Variants in VEPH1 observed in about 807,000 individuals in gnomAD.
The protein encoded by VEPH1 is ventricular zone expressed PH domain containing 1, also known as ventricular zone-expressed PH domain-containing protein homolog 1.
In VEPH1, 80 loss-of-function variants were observed where a neutral mutation model predicts 85.2. The ratio of observed to expected loss-of-function variants is 0.94; its 90% CI spans 0.78 to 1.13. The LOEUF (loss-of-function observed/expected upper bound fraction) is 1.13, where lower values mean the gene tolerates loss of function less well. VEPH1 is among the 50% of genes most tolerant of loss of function. The probability of loss-of-function intolerance (pLI) is 0.00; values close to 1 mark genes in which losing one functional copy is unlikely to be tolerated. For missense variants in VEPH1, 955 were observed against 980.5 expected, an observed-to-expected ratio of 0.97 and a Z score of 0.35; for synonymous variants, 297 against 348.0, an observed-to-expected ratio of 0.85 and a Z score of 1.63.
At position 157,471,931 on chromosome 3, in the gene VEPH1, AT is replaced by A. The variant is rs377306960; in HGVS notation, c.139-1403del. ...TAAATTGGAAACTTAAGTTGTTTAC[AT>A]TTTTTTGAAAGGTAATACATAAACA... On this transcript the variant is annotated intron_variant, in intron 2 of 13. Transcript: ENST00000362010. Among the ~76,000 whole-genome samples the A allele has an allele frequency of 3.0e-3, 457 of 152,126 alleles. 2 individuals carry two copies. The highest frequency in any genetic ancestry group is 8.9e-3 in the South Asian group (43 of 4,820).
chr3:157,377,163 C>T (rs559005424), intron 7 of VEPH1, among the ~76,000 whole-genome samples: 9 of 152,050 alleles, frequency 5.9e-5, no homozygotes, highest in African/African-American at 9.6e-5. Flanking sequence ...AGATTGACAG[C>T]GAGGGGTTGA....
intron 10 of VEPH1, among the ~76,000 whole-genome samples, chr3:157,315,301 C>G (rs1720628669): frequency 6.6e-6 from 1 of 151,914 alleles, no homozygotes; most frequent in South Asian, 2.1e-4. Context: ...AGTTAGTGAT[C>G]CACAGATTTA....
intron 5 of VEPH1, among the ~76,000 whole-genome samples, chr3:157,418,517 T>C (rs577593892): frequency 6.6e-6 from 1 of 152,290 alleles, no homozygotes; most frequent in South Asian, 2.1e-4. Context: ...CAAAAATCAC[T>C]AGCATTCCTA....
intron 11 of VEPH1, among the ~76,000 whole-genome samples, chr3:157,287,078 A>G (rs989762730): frequency 1.3e-5 from 2 of 152,176 alleles, no homozygotes; most frequent in Non-Finnish European, 2.9e-5. Flanking sequence ...TATCCATATC[A>G]AAAAATATTA....
intron 9 of VEPH1, among the ~76,000 whole-genome samples, chr3:157,347,733 A>G (rs566047097): frequency 1.3e-5 from 2 of 152,328 alleles, no homozygotes; most frequent in South Asian, 4.1e-4. Flanking sequence ...AGGAAAAGGT[A>G]AGCAGAAGAT....
chr3:157,427,627 G>T (rs1732851226), intron 5 of VEPH1, among the ~76,000 whole-genome samples: 2 of 151,936 alleles, frequency 1.3e-5, no homozygotes, highest in Admixed American at 6.6e-5. Context: ...GCTAATTTTT[G>T]TATTTTTTGT....
chr3:157,367,173 C>T (rs907809638), intron 7 of VEPH1, among the ~76,000 whole-genome samples: 2 of 152,192 alleles, frequency 1.3e-5, no homozygotes, highest in Non-Finnish European at 2.9e-5. Flanking sequence ...TTTATCTACT[C>T]ATACCATGCA....
intron 6 of VEPH1, among the ~76,000 whole-genome samples, chr3:157,384,758 AGG>A (rs1729114648): frequency 6.6e-6 from 1 of 152,208 alleles, no homozygotes; most frequent in African/African-American, 2.4e-5. Context: ...TGTACCTCAC[AGG>A]GGTAACAGAT....
At chr3:157,385,454 T>C (rs1157988775) in intron 6 of VEPH1, among the ~76,000 whole-genome samples, 1 of 152,148 alleles carries the variant, frequency 6.6e-6, no homozygotes, top group Non-Finnish European at 1.5e-5. Flanking sequence ...TTTTGTTATC[T>C]GGTTTATATC....
At chr3:157,271,030 G>C (rs1714480609) in intron 12 of VEPH1, among the ~76,000 whole-genome samples, 1 of 152,084 alleles carries the variant, frequency 6.6e-6, no homozygotes. Flanking sequence ...AGGTGTGTGG[G>C]GGAAAACACA....
At chr3:157,292,995 AAAAAG>A (rs1717703704) in intron 11 of VEPH1, among the ~76,000 whole-genome samples, 1 of 151,864 alleles carries the variant, frequency 6.6e-6, no homozygotes, top group Non-Finnish European at 1.5e-5. Flanking sequence ...AAAAAAAAAA[AAAAAG>A]AAAAAAGAAA....
chr3:157,344,543 G>GGAA (rs1252482348), intron 9 of VEPH1, among the ~76,000 whole-genome samples: 1 of 151,384 alleles, frequency 6.6e-6, no homozygotes, highest in Admixed American at 6.6e-5. Flanking sequence ...ACAAACAAAT[G>GGAA]GAACATTCCA....
At chr3:157,378,850 A>AC (rs1416229502) in intron 7 of VEPH1, among the ~76,000 whole-genome samples, 6 of 151,624 alleles carry the variant, frequency 4.0e-5, no homozygotes, top group Admixed American at 3.3e-4. Flanking sequence ...GTGTTCATCC[A>AC]CCCCCCTCTT....
chr3:157,483,588 A>G (rs2109628383), intron 2 of VEPH1, among the ~76,000 whole-genome samples: 1 of 152,198 alleles, frequency 6.6e-6, no homozygotes, highest in East Asian at 1.9e-4. Flanking sequence ...TTTAAAAAAG[A>G]AATCTCTAGA....
At chr3:157,307,785 G>A (rs1474888884) in intron 11 of VEPH1, among the ~76,000 whole-genome samples, 1 of 151,632 alleles carries the variant, frequency 6.6e-6, no homozygotes, top group Non-Finnish European at 1.5e-5. Context: ...ATTTTAATTT[G>A]GGAGAAAATT....
intron 12 of VEPH1, among the ~76,000 whole-genome samples, chr3:157,270,947 A>C (rs1231653858): frequency 6.6e-6 from 1 of 152,104 alleles, no homozygotes; most frequent in Non-Finnish European, 1.5e-5. Flanking sequence ...ACCCTCATGA[A>C]GAAGAGAGAA....
intron 9 of VEPH1, among the ~76,000 whole-genome samples, chr3:157,336,652 A>AACTTCCT (rs1722998406): frequency 6.6e-6 from 1 of 152,110 alleles, no homozygotes. Flanking sequence ...AGCTATGTTT[A>AACTTCCT]CCAGAAGTCT....
intron 3 of VEPH1, among the ~76,000 whole-genome samples, chr3:157,463,692 C>T (rs2109393238): frequency 6.6e-6 from 1 of 152,274 alleles, no homozygotes; most frequent in Admixed American, 6.5e-5. Flanking sequence ...CTAACTCACA[C>T]CAAAGGATTT....
chr3:157,335,143 G>C (rs950918833), intron 9 of VEPH1, among the ~76,000 whole-genome samples: 4 of 152,058 alleles, frequency 2.6e-5, no homozygotes, highest in African/African-American at 4.8e-5. Context: ...AAAGCCCAAA[G>C]TGTGTTGGCA....
Sources: gnomAD v4.1 joint callset for allele counts (sites outside exome capture counted in the v4.1 genomes callset) on GRCh38, gnomAD v4.1.1 for gene constraint, MANE v1.5 for transcripts, NCBI Gene and HGNC (gene_info 2026-07-23, HGNC 2026-07-21) for gene names.